The following KIAA0319 variants were observed in gnomAD, a reference collection of about 807,000 sequenced individuals.
KIAA0319 encodes the protein KIAA0319, also known as dyslexia-associated protein KIAA0319.
Under a neutral mutation model 108.4 loss-of-function variants are expected in KIAA0319, and 83 were observed. The ratio of observed to expected loss-of-function variants is 0.77; its 90% CI spans 0.64 to 0.92. KIAA0319 has a LOEUF of 0.92. KIAA0319 is among the 40% of genes least tolerant of loss of function. The pLI, the probability that KIAA0319 is intolerant of heterozygous loss-of-function variation, is 0.00. For missense variants in KIAA0319, 1,195 were observed against 1,322.4 expected (o/e 0.90, Z 1.49); for synonymous variants, 484 against 510.4 (o/e 0.95, Z 0.70).
chr6:24,540,636 T>C (rs571695049), downstream of KIAA0319, among the ~76,000 whole-genome samples: 79 of 120,540 alleles, frequency 6.6e-4, no homozygotes, highest in African/African-American at 2.4e-3. Flanking sequence ...GTTGGAGAAA[T>C]GGTGACTTTG....
At chr6:24,604,860 G>T (rs1403134294) in intron 1 of KIAA0319, among the ~76,000 whole-genome samples, 2 of 151,978 alleles carry the variant, frequency 1.3e-5, no homozygotes, top group East Asian at 3.9e-4. Context: ...TTTATTTTGG[G>T]ACAGAGTTTC....
At chr6:24,554,469 AAAC>A in intron 19 of KIAA0319, 69 bp downstream of exon 19, 1 of 1,088,422 alleles carries the variant, frequency 9.2e-7, no homozygotes, top group Non-Finnish European at 1.4e-6. Flanking sequence ...AAGTCCAAGT[AAAC>A]AATTCCTAAG....
intron 3 of KIAA0319, among the ~76,000 whole-genome samples, chr6:24,595,546 C>CAAAA (rs60291863): frequency 0.071 from 3,028 of 42,900 alleles, 448 homozygotes; most frequent in African/African-American, 0.14. Context: ...GATTCAATCT[C>CAAAA]AAAAAAAAAA....
At chr6:24,577,977 G>A (rs1765790427) in intron 9 of KIAA0319, 133 bp downstream of exon 9, 2 of 790,474 alleles carry the variant, frequency 2.5e-6, no homozygotes, top group Non-Finnish European at 3.9e-6. Context: ...CCAGCGGCAT[G>A]CAACCAAAAC....
At chr6:24,580,588 T>C (rs1345212328) in intron 7 of KIAA0319, among the ~76,000 whole-genome samples, 1 of 152,224 alleles carries the variant, frequency 6.6e-6, no homozygotes. Flanking sequence ...GTTGAATGTA[T>C]TCAACATGCC....
chr6:24,566,491 T>TA, intron 14 of KIAA0319, 106 bp downstream of exon 14: 1 of 1,040,332 alleles, frequency 9.6e-7, no homozygotes, highest in Non-Finnish European at 1.3e-6. Flanking sequence ...TCCTTATACT[T>TA]ATATCCTTTC....
chr6:24,632,941 A>C (rs545748795), intron 1 of KIAA0319, among the ~76,000 whole-genome samples: 1 of 152,334 alleles, frequency 6.6e-6, no homozygotes, highest in Non-Finnish European at 1.5e-5. Context: ...TTTAAACACA[A>C]GAAGGGCATT....
At chr6:24,556,008 T>C (rs2817253) in intron 18 of KIAA0319, among the ~76,000 whole-genome samples, 44,675 of 152,044 alleles carry the variant, frequency 0.29, 7,887 homozygotes, top group African/African-American at 0.5. Flanking sequence ...CCTAAACACA[T>C]CCCACAAAGT....
intron 20 of KIAA0319, 68 bp from the exon 21 acceptor site, chr6:24,547,411 G>A: frequency 7.1e-7 from 1 of 1,407,916 alleles, no homozygotes; most frequent in Non-Finnish European, 9.9e-7. Flanking sequence ...AGTCGTTGTG[G>A]TTGCAGGTCC....
chr6:24,586,604 C>T (rs1767536826), intron 4 of KIAA0319, among the ~76,000 whole-genome samples: 1 of 152,088 alleles, frequency 6.6e-6, no homozygotes, highest in Non-Finnish European at 1.5e-5. Flanking sequence ...TGTTTTAGTT[C>T]AAGATGCTAT....
At chr6:24,590,604 T>G (rs1768328109) in intron 3 of KIAA0319, among the ~76,000 whole-genome samples, 1 of 152,352 alleles carries the variant, frequency 6.6e-6, no homozygotes, top group African/African-American at 2.4e-5. Context: ...AATTGAATTT[T>G]TTTTTAATCA....
intron 1 of KIAA0319, among the ~76,000 whole-genome samples, chr6:24,609,719 G>A (rs1409639882): frequency 1.3e-5 from 2 of 149,914 alleles, no homozygotes; most frequent in Non-Finnish European, 3.0e-5. Context: ...TTTTTTTTTA[G>A]CTTTTACTTT....
At chr6:24,583,543 G>A in intron 5 of KIAA0319, 61 bp downstream of exon 5, 5 of 1,098,582 alleles carry the variant, frequency 4.6e-6, no homozygotes, top group Middle Eastern at 2.0e-4. Context: ...TAGCCTGTAA[G>A]GACCTGCTGA....
chr6:24,635,356 G>A (rs1776064578), intron 1 of KIAA0319, among the ~76,000 whole-genome samples: 1 of 151,974 alleles, frequency 6.6e-6, no homozygotes, highest in Non-Finnish European at 1.5e-5. Context: ...CAATCGCCTT[G>A]GCCTCCCAAA....
intron 1 of KIAA0319, among the ~76,000 whole-genome samples, chr6:24,641,876 A>G (rs984671091): frequency 2.6e-5 from 4 of 151,788 alleles, no homozygotes; most frequent in Admixed American, 1.3e-4. Flanking sequence ...TATAAAAACT[A>G]TAACAATTAG....
chr6:24,625,250 T>C (rs560113177), intron 1 of KIAA0319, among the ~76,000 whole-genome samples: 1 of 152,140 alleles, frequency 6.6e-6, no homozygotes, highest in East Asian at 1.9e-4. Context: ...TAAATTTACA[T>C]GAATTAAAGG....
intron 20 of KIAA0319, among the ~76,000 whole-genome samples, chr6:24,550,693 A>G (rs937576953): frequency 6.6e-6 from 1 of 152,170 alleles, no homozygotes; most frequent in Non-Finnish European, 1.5e-5. Context: ...TTTCTGTCCT[A>G]GCAGACCTAA....
chr6:24,595,794 G>A (rs887746448), intron 3 of KIAA0319, 79 bp downstream of exon 3: 37 of 1,472,044 alleles, frequency 2.5e-5, no homozygotes, highest in Non-Finnish European at 3.3e-5. Flanking sequence ...ATGAGTGCCC[G>A]GCTCCTGAAA....
intron 14 of KIAA0319, among the ~76,000 whole-genome samples, chr6:24,565,065 G>A (rs1763701989): frequency 6.6e-6 from 1 of 152,016 alleles, no homozygotes; most frequent in Non-Finnish European, 1.5e-5. Context: ...GGCTAACAAG[G>A]TGAAACCCCG....
Sources: gnomAD v4.1 joint callset for allele counts (sites outside exome capture counted in the v4.1 genomes callset) on GRCh38, gnomAD v4.1.1 for gene constraint, MANE v1.5 for transcripts, NCBI Gene and HGNC (gene_info 2026-07-23, HGNC 2026-07-21) for gene names.